SAMMSON: variants seen among roughly 807,000 people sequenced by gnomAD.
The protein encoded by SAMMSON is survival associated mitochondrial melanoma specific oncogenic non-coding RNA.
intron 2 of SAMMSON, among the ~76,000 whole-genome samples, chr3:70,424,487 T>G (rs1401636198): frequency 6.6e-6 from 1 of 151,830 alleles, no homozygotes; most frequent in Admixed American, 6.6e-5. Context: ...AATACCAAGT[T>G]TTTTTTTAAT....
chr3:70,050,430 G>A (rs190659949), intron 3 of SAMMSON, among the ~76,000 whole-genome samples: 34 of 152,252 alleles, frequency 2.2e-4, no homozygotes, highest in Admixed American at 1.9e-3. Context: ...GAAGGCTATA[G>A]GGACAAGAAA....
intron 4 of SAMMSON, among the ~76,000 whole-genome samples, chr3:70,215,037 A>G (rs896132585): frequency 6.6e-6 from 1 of 152,148 alleles, no homozygotes; most frequent in African/African-American, 2.4e-5. Context: ...GTGTTTAAAT[A>G]TAAATGTTAA....
chr3:70,352,261 T>C (rs1399629885), intron 7 of SAMMSON, among the ~76,000 whole-genome samples: 2 of 151,758 alleles, frequency 1.3e-5, no homozygotes, highest in Admixed American at 1.3e-4. Context: ...TTGAAAGGAG[T>C]GAAAGAGAAA....
chr3:70,261,836 C>T (rs376470514), intron 6 of SAMMSON, among the ~76,000 whole-genome samples: 7 of 152,138 alleles, frequency 4.6e-5, no homozygotes, highest in African/African-American at 7.2e-5. Context: ...GTGACTGGAA[C>T]CTGAATGCCC....
At chr3:70,247,090 A>G (rs1330787959) in intron 4 of SAMMSON, among the ~76,000 whole-genome samples, 3 of 151,916 alleles carry the variant, frequency 2.0e-5, no homozygotes, top group African/African-American at 7.2e-5. Context: ...CAATCATAGT[A>G]CCAAGCGCAT....
At chr3:70,231,379 T>TG (rs1159738004) in intron 4 of SAMMSON, among the ~76,000 whole-genome samples, 1 of 152,186 alleles carries the variant, frequency 6.6e-6, no homozygotes, top group Non-Finnish European at 1.5e-5. Flanking sequence ...AACGCAAACT[T>TG]GCGTTTTTTC....
intron 9 of SAMMSON, among the ~76,000 whole-genome samples, chr3:70,376,742 T>C (rs1017411279): frequency 7.9e-5 from 12 of 152,170 alleles, no homozygotes; most frequent in African/African-American, 2.4e-4. Flanking sequence ...TAGAAAATTA[T>C]AGATGGCAAA....
chr3:70,097,423 G>T (rs4855460), intron 4 of SAMMSON, among the ~76,000 whole-genome samples: 10,170 of 152,258 alleles, frequency 0.067, 511 homozygotes, highest in Admixed American at 0.14. Flanking sequence ...CCTGCTATTA[G>T]GAAAACTACT....
At chr3:70,125,985 G>T in intron 4 of SAMMSON, 1 of 808,842 alleles carries the variant, frequency 1.2e-6, no homozygotes, top group Non-Finnish European at 2.1e-6. Context: ...ATGGCATATG[G>T]TCTTCATAGA....
intron 8 of SAMMSON, among the ~76,000 whole-genome samples, chr3:70,356,324 T>G (rs805491): frequency 0.09 from 13,707 of 152,218 alleles, 753 homozygotes; most frequent in Non-Finnish European, 0.12. Flanking sequence ...ATTAAGATTT[T>G]GGCATATGTT....
chr3:70,273,236 T>C (rs934961150), intron 6 of SAMMSON, among the ~76,000 whole-genome samples: 1 of 152,224 alleles, frequency 6.6e-6, no homozygotes, highest in African/African-American at 2.4e-5. Context: ...AGAGATGGAA[T>C]AGCAAGTGTG....
intron 2 of SAMMSON, among the ~76,000 whole-genome samples, chr3:70,430,094 G>A (rs1701401867): frequency 1.3e-5 from 2 of 152,128 alleles, no homozygotes; most frequent in Admixed American, 1.3e-4. Context: ...TATGATATTG[G>A]ATGTGGGTTT....
intron 4 of SAMMSON, among the ~76,000 whole-genome samples, chr3:70,192,972 A>T (rs181462715): frequency 1.4e-4 from 21 of 152,250 alleles, no homozygotes; most frequent in African/African-American, 5.1e-4. Flanking sequence ...GATGTTTAGC[A>T]ACATTTCTGG....
chr3:70,022,145 TG>T (rs2067016134), intron 3 of SAMMSON, among the ~76,000 whole-genome samples: 1 of 152,028 alleles, frequency 6.6e-6, no homozygotes, highest in Admixed American at 6.6e-5. Flanking sequence ...GTCCTTGAGT[TG>T]GGGCTAGAAT....
At chr3:70,284,433 C>G (rs1262131784) in intron 6 of SAMMSON, among the ~76,000 whole-genome samples, 1 of 152,074 alleles carries the variant, frequency 6.6e-6, no homozygotes, top group Non-Finnish European at 1.5e-5. Flanking sequence ...GAGAACCTCT[C>G]ACTTTGAAGA....
intron 4 of SAMMSON, among the ~76,000 whole-genome samples, chr3:70,203,020 AG>A (rs1217525098): frequency 3.3e-5 from 5 of 152,006 alleles, no homozygotes; most frequent in Admixed American, 2.0e-4. Flanking sequence ...AGGAGGTGGG[AG>A]GGATAAGAGC....
chr3:70,206,052 G>T (rs1379296474), intron 4 of SAMMSON: 1 of 151,992 alleles, frequency 6.6e-6, no homozygotes, highest in East Asian at 1.9e-4. Context: ...GTCTAGGTTT[G>T]CACTGATCAG....
chr3:70,161,875 G>T (rs1462161433), intron 4 of SAMMSON, among the ~76,000 whole-genome samples: 1 of 129,222 alleles, frequency 7.7e-6, no homozygotes, highest in Admixed American at 8.0e-5. Flanking sequence ...GTCAGTTTGA[G>T]TAATTCATTT....
At chr3:70,036,781 T>G (rs2067087124) in intron 3 of SAMMSON, among the ~76,000 whole-genome samples, 1 of 152,040 alleles carries the variant, frequency 6.6e-6, no homozygotes, top group Admixed American at 6.6e-5. Flanking sequence ...CTTTAACTTT[T>G]CAGGAACATA....
Sources: allele counts gnomAD v4.1 joint callset (sites outside exome capture counted in the v4.1 genomes callset), GRCh38; gene constraint gnomAD v4.1.1; transcripts MANE v1.5; gene names NCBI Gene and HGNC (gene_info 2026-07-23, HGNC 2026-07-21).